The following FAM117A variants were observed in gnomAD, a reference collection of about 807,000 sequenced individuals.
The protein encoded by FAM117A is protein FAM117A.
Under a neutral mutation model 44.1 loss-of-function variants are expected in FAM117A, and 21 were observed. The observed-to-expected ratio is 0.48, with a 90% CI of 0.34 to 0.69. The LOEUF (loss-of-function observed/expected upper bound fraction) is 0.69. Ranked by LOEUF, FAM117A falls within the 30% of genes least tolerant of loss-of-function variation. FAM117A has a pLI of 0.01. For synonymous variants in FAM117A, 220 were observed against 238.3 expected (o/e 0.92, Z 0.71); for missense variants, 498 against 589.9 (o/e 0.84, Z 1.61).
chr17:49,711,002 G>A lies in FAM117A; in HGVS notation c.*253C>T, dbSNP rs2073474441. ...AGACCTTCTGGGTGTTTTCCACCAAGTGAGGGATGTGGCAGGTACACAGGT... is the reference window on the plus strand; with the variant it reads ...AGACCTTCTGGGTGTTTTCCACCAAATGAGGGATGTGGCAGGTACACAGGT... On this transcript the variant is annotated 3_prime_UTR_variant, in exon 8 of 8. Coordinates refer to ENST00000240364, the MANE Select transcript of FAM117A (RefSeq NM_030802.4). 1 of 394,582 alleles carries A rather than the reference G, an allele frequency of 2.5e-6. No homozygotes were observed. The highest frequency in any genetic ancestry group is 4.5e-6 in the Non-Finnish European group (1 of 220,204). The allele number at this position is 394,582 out of a possible 1,614,324, so 24.4% of individuals were successfully genotyped here.
At chr17:49,777,310 T>C (rs2073778034) in intron 1 of FAM117A, among the ~76,000 whole-genome samples, 1 of 152,224 alleles carries the variant, frequency 6.6e-6, no homozygotes, top group Admixed American at 6.5e-5. Context: ...CCAAGCCTAG[T>C]TTCCATGAGG....
chr17:49,773,964 G>C (rs2073768891), intron 1 of FAM117A, among the ~76,000 whole-genome samples: 1 of 152,152 alleles, frequency 6.6e-6, no homozygotes, highest in Non-Finnish European at 1.5e-5. Context: ...ATGTTGGTCA[G>C]GTTGGTGTCA....
intron 1 of FAM117A, among the ~76,000 whole-genome samples, chr17:49,734,925 T>C (rs891361082): frequency 3.9e-5 from 6 of 152,102 alleles, no homozygotes; most frequent in African/African-American, 1.4e-4. Context: ...AAAGGACAAA[T>C]ATTCTGTTTT....
chr17:49,717,544 G>A lies in FAM117A; in HGVS notation c.879C>T (p.Ala293=), dbSNP rs1209536811. 6.8e-6 allele frequency: 11 copies of A among 1,614,078 alleles called. No individual in the cohort carries two copies. Among genetic ancestry groups the A allele is most frequent in the East Asian group, 2.2e-5 (1 of 44,878 alleles). The change falls in exon 6 of 8, where the codon GCC becomes GCT. Residue 293 remains alanine, a synonymous_variant. Coordinates refer to ENST00000240364, the MANE Select transcript of FAM117A (RefSeq NM_030802.4). Reference sequence around the variant, plus strand: ...CGTTGGGGGTGGATGCCAGCTCCTCGGCGGCACCCCGATGTTCCTCATGAC... The same window carrying A: ...CGTTGGGGGTGGATGCCAGCTCCTCAGCGGCACCCCGATGTTCCTCATGAC... ...LASHEEHRGA[A]EELASTPNDK... is the part of the protein sequence containing the mutation.
chr17:49,764,253 T>C (rs2073736901), upstream of FAM117A: 1 of 390,924 alleles, frequency 2.6e-6, no homozygotes, highest in Non-Finnish European at 4.6e-6. Flanking sequence ...ATCCACAGCT[T>C]AGCCTTCCCT....
At chr17:49,724,847 A>G (rs552527861) in intron 2 of FAM117A, among the ~76,000 whole-genome samples, 2 of 151,512 alleles carry the variant, frequency 1.3e-5, no homozygotes, top group African/African-American at 4.8e-5. Flanking sequence ...AAAGAAAGAA[A>G]GAAAAAAGAA....
intron 1 of FAM117A, among the ~76,000 whole-genome samples, chr17:49,785,405 G>A (rs781717419): frequency 2.6e-5 from 4 of 152,122 alleles, no homozygotes; most frequent in Admixed American, 6.6e-5. Context: ...CTAGCTACTC[G>A]GGAGGCTGAC....
chr17:49,783,596 G>A (rs1353912311), intron 1 of FAM117A, among the ~76,000 whole-genome samples: 2 of 152,152 alleles, frequency 1.3e-5, no homozygotes, highest in African/African-American at 4.8e-5. Context: ...TGGCCAGAAT[G>A]TAAGAGAAGC....
At chr17:49,760,111 C>G (rs1304423754) in intron 1 of FAM117A, among the ~76,000 whole-genome samples, 2 of 152,108 alleles carry the variant, frequency 1.3e-5, no homozygotes, top group Non-Finnish European at 2.9e-5. Context: ...GAACACATCA[C>G]CTGACAATGG....
chr17:49,721,783 T>C (rs898498657), intron 3 of FAM117A, among the ~76,000 whole-genome samples: 3 of 152,158 alleles, frequency 2.0e-5, no homozygotes, highest in Non-Finnish European at 4.4e-5. Flanking sequence ...TCGTTATTTT[T>C]CTCTTCTCTT....
rs189516792 is a variant in FAM117A at position 49,750,703 on chromosome 17, G to A, written c.196+13189C>T. On this transcript the variant is annotated intron_variant, in intron 1 of 7. Transcript: ENST00000240364. ...AGACAGGAGCATCGCTTGAACCCAGGAGGCAGAGGTTTCAGTGAGCCAAGA... is the reference window on the plus strand; with the variant it reads ...AGACAGGAGCATCGCTTGAACCCAGAAGGCAGAGGTTTCAGTGAGCCAAGA... 3.3e-5 allele frequency among the ~76,000 whole-genome samples: 5 copies of A among 152,308 alleles called. No individual in the cohort carries two copies. The East Asian group carries it at 7.7e-4, about 23-fold the overall frequency.
chr17:49,722,683 C>T, intron 2 of FAM117A, 89 bp from the exon 3 acceptor site: 1 of 984,040 alleles, frequency 1.0e-6, no homozygotes, highest in African/African-American at 1.6e-5. Flanking sequence ...GAGGTGATGG[C>T]CCTTTGAGCC....
intron 5 of FAM117A, chr17:49,717,997 A>G (rs574860342): frequency 3.9e-6 from 1 of 256,012 alleles, no homozygotes; most frequent in Non-Finnish European, 7.5e-6. Flanking sequence ...TGTTGTCCCC[A>G]TAAGACTATA....
chr17:49,750,605 C>A (rs140866242), intron 1 of FAM117A, among the ~76,000 whole-genome samples: 1,973 of 151,728 alleles, frequency 0.013, 40 homozygotes, highest in African/African-American at 0.046. Flanking sequence ...TGAAACCCCC[C>A]ATCTCTACTA....
At chr17:49,716,702 C>G (rs1364345510) in intron 6 of FAM117A, among the ~76,000 whole-genome samples, 2 of 152,194 alleles carry the variant, frequency 1.3e-5, no homozygotes, top group Non-Finnish European at 2.9e-5. Flanking sequence ...TGTCCACAGT[C>G]TTGAAAATCT....
At chr17:49,719,610 T>C (rs1364344895) in intron 5 of FAM117A, 150 bp downstream of exon 5, 2 of 972,996 alleles carry the variant, frequency 2.1e-6, no homozygotes, top group African/African-American at 1.7e-5. Context: ...ATAAACTCCA[T>C]TTGCATTCCT....
chr17:49,764,442 G>A (rs187599273), upstream of FAM117A, among the ~76,000 whole-genome samples: 2 of 151,128 alleles, frequency 1.3e-5, no homozygotes, highest in Admixed American at 6.6e-5. Context: ...CCCAGTCCCA[G>A]GTAGTATGCA....
chr17:49,745,572 G>C (rs527489874), intron 1 of FAM117A, among the ~76,000 whole-genome samples: 69 of 152,284 alleles, frequency 4.5e-4, no homozygotes, highest in African/African-American at 1.6e-3. Flanking sequence ...ATTTTATGAA[G>C]TACATAGCTT....
intron 1 of FAM117A, among the ~76,000 whole-genome samples, chr17:49,782,604 C>T (rs1033674288): frequency 4.1e-5 from 6 of 147,998 alleles, no homozygotes; most frequent in Non-Finnish European, 7.4e-5. Flanking sequence ...GCAGGAGAAT[C>T]GCTTGAACCC....
Sources: allele counts gnomAD v4.1 joint callset (sites outside exome capture counted in the v4.1 genomes callset), GRCh38; gene constraint gnomAD v4.1.1; transcripts MANE v1.5; gene names NCBI Gene and HGNC (gene_info 2026-07-23, HGNC 2026-07-21).